The following CCDC7 variants were observed in gnomAD, a reference collection of about 807,000 sequenced individuals.
CCDC7 encodes coiled-coil domain containing 7.
A neutral mutation model predicts 196.9 loss-of-function variants in CCDC7; 183 were observed. That is an observed-to-expected ratio of 0.93 (90% CI 0.82 to 1.05). The LOEUF (loss-of-function observed/expected upper bound fraction) is 1.05, where lower values mean the gene tolerates loss of function less well. Ranked by LOEUF, CCDC7 falls within the 50% of genes least tolerant of loss-of-function variation. CCDC7 has a pLI of 0.00. For missense variants in CCDC7, 1,540 were observed against 1,482.2 expected, an observed-to-expected ratio of 1.04 and a Z score of -0.64; for synonymous variants, 525 against 484.6, an observed-to-expected ratio of 1.08 and a Z score of -1.10.
intron 11 of CCDC7, among the ~76,000 whole-genome samples, chr10:32,520,495 C>T (rs1223705844): frequency 1.3e-5 from 2 of 151,984 alleles, no homozygotes; most frequent in Admixed American, 6.6e-5. Context: ...TTTTATATGC[C>T]TATTTGCCAT....
At chr10:32,725,398 T>C (rs947982626) in intron 25 of CCDC7, 10 of 470,758 alleles carry the variant, frequency 2.1e-5, no homozygotes, top group Non-Finnish European at 3.5e-5. Context: ...TTTCAAATAC[T>C]GTATTTATTA....
intron 28 of CCDC7, among the ~76,000 whole-genome samples, chr10:32,744,521 T>A (rs1386879186): frequency 6.6e-6 from 1 of 152,250 alleles, no homozygotes; most frequent in Non-Finnish European, 1.5e-5. Flanking sequence ...TTCTAATAAC[T>A]GTGTAATTGT....
intron 11 of CCDC7, among the ~76,000 whole-genome samples, chr10:32,532,585 A>G (rs2049847149): frequency 6.6e-6 from 1 of 152,100 alleles, no homozygotes; most frequent in Non-Finnish European, 1.5e-5. Flanking sequence ...CCTTACTGTT[A>G]TTGTATTACA....
chr10:32,517,377 AAATTACAG>A (rs1408812852), intron 9 of CCDC7, among the ~76,000 whole-genome samples: 1 of 152,076 alleles, frequency 6.6e-6, no homozygotes, highest in Non-Finnish European at 1.5e-5. Context: ...CCACTAATAA[AAATTACAG>A]AATGGAAAAG....
intron 21 of CCDC7, among the ~76,000 whole-genome samples, chr10:32,673,654 C>CGTGTGTGTGT (rs71027102): frequency 0.038 from 5,691 of 147,854 alleles, 133 homozygotes; most frequent in African/African-American, 0.047. Flanking sequence ...CCATTGTGCA[C>CGTGTGTGTGT]GTGTGTGTGT....
Position 32,543,325 on chromosome 10 carries a change from CA to C in CCDC7, c.1022del (p.Lys341ArgfsTer4), listed in dbSNP as rs1490063483. On this transcript the variant is annotated frameshift_variant, in exon 12 of 42. Transcript: ENST00000639629. LOFTEE classifies it high-confidence loss of function. The stretch of plus-strand genomic sequence containing the variant: ...AAAACTAAGCCTACAAATAATCGAA[CA>C]AAGAAAGCTGTGAAAACAGTGAAGA... 6.9e-7 allele frequency: 1 copy of C among 1,455,604 alleles called. No homozygotes were observed. Among genetic ancestry groups the C allele is most frequent in the Non-Finnish European group, 9.2e-7 (1 of 1,087,380 alleles). 90.2% of individuals were successfully genotyped at this position (1,455,604 alleles called of 1,614,324 possible). A position where few individuals can be genotyped will look rare whatever the true frequency, so the allele number is the denominator to read the frequency against.
chr10:32,483,883 G>C lies in CCDC7; in HGVS notation c.797-8039G>C, dbSNP rs180938922. On this transcript the variant is annotated intron_variant, in intron 8 of 41. Coordinates refer to ENST00000639629, the Ensembl canonical transcript of CCDC7. ...TCTGTTTTGATACCAGTACCATGCT[G>C]TTTTGGTTACTGTAGCCTTGTAGTA... 4.7e-3 allele frequency among the ~76,000 whole-genome samples: 712 copies of C among 152,324 alleles called. 3 individuals are homozygous for C. The highest frequency in any genetic ancestry group is 0.015 in the African/African-American group (641 of 41,584).
intron 18 of CCDC7, among the ~76,000 whole-genome samples, chr10:32,596,374 T>A (rs2060356703): frequency 6.6e-6 from 1 of 152,210 alleles, no homozygotes; most frequent in Admixed American, 6.5e-5. Flanking sequence ...TTTTTTTGTT[T>A]TCCATTTGCT....
chr10:32,876,373 G>A (rs779410834), exon 42 of CCDC7: 3 of 1,610,980 alleles, frequency 1.9e-6, no homozygotes, highest in Non-Finnish European at 2.5e-6. Context: ...CCGAAAATCT[G>A]TACCACACCC....
intron 20 of CCDC7, among the ~76,000 whole-genome samples, chr10:32,637,693 G>C (rs2065906147): frequency 6.6e-6 from 1 of 152,158 alleles, no homozygotes; most frequent in African/African-American, 2.4e-5. Context: ...TTTTGGCTTA[G>C]AATTGACTTG....
At chr10:32,786,854 A>G (rs904089232) in intron 29 of CCDC7, among the ~76,000 whole-genome samples, 1 of 152,190 alleles carries the variant, frequency 6.6e-6, no homozygotes, top group African/African-American at 2.4e-5. Flanking sequence ...AAATCAGAAA[A>G]ACTTTGTAAA....
intron 20 of CCDC7, among the ~76,000 whole-genome samples, chr10:32,649,350 A>G (rs2068324080): frequency 6.6e-6 from 1 of 152,138 alleles, no homozygotes; most frequent in Admixed American, 6.6e-5. Context: ...TTGGCCCCCA[A>G]TCTTTTCTGT....
intron 28 of CCDC7, among the ~76,000 whole-genome samples, chr10:32,742,391 C>T (rs879262219): frequency 2.0e-5 from 3 of 152,104 alleles, no homozygotes; most frequent in Non-Finnish European, 4.4e-5. Context: ...TGTTGGTGTT[C>T]GTATTCTGGG....
intron 28 of CCDC7, among the ~76,000 whole-genome samples, chr10:32,742,853 A>G (rs2086108769): frequency 6.6e-6 from 1 of 152,180 alleles, no homozygotes; most frequent in African/African-American, 2.4e-5. Context: ...TATCTCCGTG[A>G]GGGCATATGT....
chr10:32,564,411 A>G (rs895432481), intron 13 of CCDC7, among the ~76,000 whole-genome samples: 2 of 152,212 alleles, frequency 1.3e-5, no homozygotes, highest in African/African-American at 4.8e-5. Flanking sequence ...CACATGTCCA[A>G]CAACGATAGA....
At chr10:32,878,825 T>G (rs1299012747), downstream of CCDC7, among the ~76,000 whole-genome samples, 1 of 152,182 alleles carries the variant, frequency 6.6e-6, no homozygotes, top group East Asian at 1.9e-4. Flanking sequence ...TTTTGATTGA[T>G]CTAATGATGG....
chr10:32,644,203 A>G (rs1291814562), intron 20 of CCDC7, among the ~76,000 whole-genome samples: 2 of 152,228 alleles, frequency 1.3e-5, no homozygotes, highest in African/African-American at 2.4e-5. Flanking sequence ...TATGGTAATA[A>G]CATTCAAAAT....
chr10:32,560,579 T>C (rs1456580115), intron 13 of CCDC7, among the ~76,000 whole-genome samples: 5 of 152,276 alleles, frequency 3.3e-5, no homozygotes, highest in African/African-American at 1.2e-4. Context: ...CTAAGCTTCA[T>C]AAGTGAAGGA....
chr10:32,853,967 TG>T (rs2093659080), intron 40 of CCDC7, among the ~76,000 whole-genome samples: 1 of 152,186 alleles, frequency 6.6e-6, no homozygotes, highest in African/African-American at 2.4e-5. Context: ...GTTTGGGATA[TG>T]ACTGGTCCCA....
Sources: gnomAD v4.1 joint callset for allele counts (sites outside exome capture counted in the v4.1 genomes callset) on GRCh38, gnomAD v4.1.1 for gene constraint, MANE v1.5 for transcripts, NCBI Gene and HGNC (gene_info 2026-07-23, HGNC 2026-07-21) for gene names.